The following TNKS variants were observed in gnomAD, a reference collection of about 807,000 sequenced individuals.
The protein encoded by TNKS is poly [ADP-ribose] polymerase tankyrase-1.
A neutral mutation model predicts 135.8 loss-of-function variants in TNKS; 72 were observed. The observed-to-expected ratio is 0.53, with a 90% confidence interval of 0.44 to 0.64. The LOEUF is 0.64. Among genes scored for constraint, TNKS ranks in the 30% least tolerant of loss-of-function variants. TNKS has a pLI of 0.00. For synonymous variants in TNKS, 849 were observed against 649.3 expected (o/e 1.31, Z -4.68); for missense variants, 1,769 against 1,674.0 (o/e 1.06, Z -0.99).
At chr8:9,748,423 T>C (rs1455119868) in intron 18 of TNKS, among the ~76,000 whole-genome samples, 1 of 152,242 alleles carries the variant, frequency 6.6e-6, no homozygotes, top group Non-Finnish European at 1.5e-5. Context: ...TTTTTTGCCA[T>C]TCTTAGCCTG....
intron 2 of TNKS, among the ~76,000 whole-genome samples, chr8:9,589,945 G>A (rs1036384386): frequency 9.9e-5 from 15 of 152,150 alleles, no homozygotes; most frequent in African/African-American, 3.4e-4. Flanking sequence ...CGTCTCCTCT[G>A]TTCATGTGCA....
At chr8:9,621,968 C>T (rs1240038882) in intron 3 of TNKS, among the ~76,000 whole-genome samples, 2 of 152,170 alleles carry the variant, frequency 1.3e-5, no homozygotes, top group Non-Finnish European at 2.9e-5. Flanking sequence ...TGAAACAAAG[C>T]AATGTGAATA....
chr8:9,687,778 C>G (rs186380210), intron 5 of TNKS, among the ~76,000 whole-genome samples: 2 of 152,218 alleles, frequency 1.3e-5, no homozygotes, highest in East Asian at 3.9e-4. Context: ...CTCAAGGGAC[C>G]GGAAGGGAGT....
intron 17 of TNKS, among the ~76,000 whole-genome samples, chr8:9,736,212 A>G (rs1254988329): frequency 6.6e-6 from 1 of 151,710 alleles, no homozygotes; most frequent in Non-Finnish European, 1.5e-5. Flanking sequence ...TACATTTATC[A>G]TCAGCACCTT....
intron 3 of TNKS, among the ~76,000 whole-genome samples, chr8:9,647,293 T>C (rs903096818): frequency 3.9e-5 from 6 of 152,204 alleles, no homozygotes; most frequent in African/African-American, 1.2e-4. Context: ...AATGATACTA[T>C]TGTTGCTGAG....
At position 9,640,424 on chromosome 8, in the gene TNKS, A is replaced by G. The variant is rs80302566; in HGVS notation, c.994+24747A>G. Among the ~76,000 whole-genome samples, 1,013 of 145,540 alleles carry G rather than the reference A, an allele frequency of 7.0e-3. 106 individuals are homozygous for G. The highest frequency in any genetic ancestry group is 0.015 in the Admixed American group (213 of 13,814). ...TTTTAACATATGAACTTTGGGGGAT[A>G]CATTCAAACCATATCATAAAGCTAT... On this transcript the variant is annotated intron_variant, in intron 3 of 26. Coordinates refer to ENST00000310430, the MANE Select transcript of TNKS (RefSeq NM_003747.3).
At chr8:9,596,280 A>G (rs916468066) in intron 2 of TNKS, among the ~76,000 whole-genome samples, 2 of 152,166 alleles carry the variant, frequency 1.3e-5, no homozygotes, top group African/African-American at 4.8e-5. Flanking sequence ...TGAAACTCAT[A>G]TATTATTAGA....
chr8:9,770,368 G>C, intron 26 of TNKS, 106 bp downstream of exon 26: 1 of 1,171,990 alleles, frequency 8.5e-7, no homozygotes, highest in Non-Finnish European at 1.2e-6. Context: ...CCACCACACA[G>C]TGTGCTAGTA....
intron 3 of TNKS, among the ~76,000 whole-genome samples, chr8:9,672,707 CACACA>C (rs1175632238): frequency 4.1e-4 from 43 of 104,318 alleles, no homozygotes; most frequent in East Asian, 8.9e-4. Context: ...CACACACACA[CACACA>C]AAAAAAAAAA....
At chr8:9,659,800 TG>T (rs765253501) in intron 3 of TNKS, among the ~76,000 whole-genome samples, 2 of 152,136 alleles carry the variant, frequency 1.3e-5, no homozygotes, top group Non-Finnish European at 2.9e-5. Flanking sequence ...ATCCAGGAGC[TG>T]GTTTTTTGGA....
chr8:9,693,502 C>T (rs1306106580), intron 5 of TNKS, among the ~76,000 whole-genome samples: 1 of 151,944 alleles, frequency 6.6e-6, no homozygotes, highest in Admixed American at 6.6e-5. Context: ...ATTTTCTCTA[C>T]TGTTTGAATT....
chr8:9,650,653 G>A (rs1801114205), intron 3 of TNKS, among the ~76,000 whole-genome samples: 1 of 151,986 alleles, frequency 6.6e-6, no homozygotes, highest in Admixed American at 6.6e-5. Context: ...CCCACTTTTT[G>A]ATGGGGTTGG....
chr8:9,559,032 T>G (rs1797207181), intron 1 of TNKS, among the ~76,000 whole-genome samples: 1 of 152,182 alleles, frequency 6.6e-6, no homozygotes, highest in African/African-American at 2.4e-5. Context: ...ATGGAAAAAT[T>G]TAAAAACTGC....
chr8:9,740,360 A>G (rs1805875049), intron 17 of TNKS, among the ~76,000 whole-genome samples: 1 of 152,190 alleles, frequency 6.6e-6, no homozygotes, highest in Admixed American at 6.5e-5. Context: ...CTAGATTTGC[A>G]AAAGCCTGAC....
At position 9,710,141 on chromosome 8, in the gene TNKS, GT is replaced by G; in HGVS notation, c.1673del (p.Phe558SerfsTer2). 1 of 1,614,062 alleles carries G rather than the reference GT, an allele frequency of 6.2e-7. No individual in the cohort carries two copies. The highest frequency in any genetic ancestry group is 8.5e-7 in the Non-Finnish European group (1 of 1,179,970). On this transcript the variant is annotated frameshift_variant and splice_region_variant, in exon 11 of 27. Coordinates refer to ENST00000310430, the MANE Select transcript of TNKS (RefSeq NM_003747.3). LOFTEE classifies it high-confidence loss of function. ...TTTTCTTTCTTTCCTCTTTTCTGTA[GT>G]TTCATGACTCCCCTGCATGTTGCAG... is the stretch of plus-strand genomic sequence containing the variant. ...KGANVNEKNK[D>X]FMTPLHVAAE... is the part of the protein sequence containing the mutation.
intron 5 of TNKS, among the ~76,000 whole-genome samples, chr8:9,682,048 G>A (rs188742840): frequency 8.1e-4 from 123 of 152,114 alleles, no homozygotes; most frequent in African/African-American, 2.8e-3. Context: ...GTTTTTAAAT[G>A]GTAACTGTTC....
intron 11 of TNKS, among the ~76,000 whole-genome samples, chr8:9,711,850 A>G (rs766532798): frequency 5.9e-5 from 9 of 152,174 alleles, no homozygotes; most frequent in Non-Finnish European, 1.0e-4. Flanking sequence ...ATATAAATGA[A>G]TCACCCAGCC....
intron 2 of TNKS, among the ~76,000 whole-genome samples, chr8:9,591,243 C>G (rs1798580530): frequency 6.6e-6 from 1 of 151,928 alleles, no homozygotes; most frequent in South Asian, 2.1e-4. Context: ...TTATTTTTTC[C>G]CTAGGTCCAT....
chr8:9,720,987 A>G (rs927342867), intron 12 of TNKS, among the ~76,000 whole-genome samples: 1 of 152,126 alleles, frequency 6.6e-6, no homozygotes, highest in African/African-American at 2.4e-5. Flanking sequence ...TTTCTGGCTT[A>G]AATATAATTA....
Sources: allele counts gnomAD v4.1 joint callset (sites outside exome capture counted in the v4.1 genomes callset), GRCh38; gene constraint gnomAD v4.1.1; transcripts MANE v1.5; gene names NCBI Gene and HGNC (gene_info 2026-07-23, HGNC 2026-07-21).